The following PTPRA variants were observed in gnomAD, a reference collection of about 807,000 sequenced individuals.
PTPRA encodes receptor-type tyrosine-protein phosphatase alpha.
PTPRA carries 25 observed loss-of-function variants against 104.8 expected under a neutral mutation model. The observed-to-expected ratio is 0.24, with a 90% CI of 0.17 to 0.33. The LOEUF (loss-of-function observed/expected upper bound fraction) is 0.33, where lower values mean the gene tolerates loss of function less well. PTPRA is among the 10% of genes least tolerant of loss of function. PTPRA has a pLI of 1.00. For missense variants in PTPRA, 765 were observed against 1,015.3 expected (o/e 0.75, Z 3.35); for synonymous variants, 323 against 368.9 (o/e 0.88, Z 1.43).
chr20:2,988,154 A>G, intron 8 of PTPRA, 49 bp downstream of exon 8: 1 of 1,535,132 alleles, frequency 6.5e-7, no homozygotes, highest in Non-Finnish European at 9.0e-7. Context: ...GAAGGAAATC[A>G]AGAAATTAGG....
At chr20:2,934,652 G>A (rs2060624521) in intron 2 of PTPRA, among the ~76,000 whole-genome samples, 1 of 151,084 alleles carries the variant, frequency 6.6e-6, no homozygotes, top group South Asian at 2.1e-4. Flanking sequence ...CTTCACCCAA[G>A]GGCTTTCAAT....
chr20:2,939,404 C>T (rs147883992), intron 2 of PTPRA, among the ~76,000 whole-genome samples: 5 of 152,274 alleles, frequency 3.3e-5, no homozygotes, highest in South Asian at 4.1e-4. Context: ...AGGGGAAAGG[C>T]GTGCCACCTC....
chr20:2,964,803 A>T, intron 4 of PTPRA, 58 bp from the exon 5 acceptor site: 4 of 1,451,248 alleles, frequency 2.8e-6, no homozygotes, highest in Non-Finnish European at 3.8e-6. Flanking sequence ...TTTGTGTCTC[A>T]CAGCTTTTTA....
chr20:3,023,936 C>T (rs987775669), intron 16 of PTPRA, among the ~76,000 whole-genome samples: 10 of 152,170 alleles, frequency 6.6e-5, no homozygotes, highest in African/African-American at 1.7e-4. Flanking sequence ...TCAAAGAAAT[C>T]GAGCACAGAG....
chr20:3,026,990 A>G, intron 18 of PTPRA, 131 bp from the exon 19 acceptor site: 1 of 1,088,064 alleles, frequency 9.2e-7, no homozygotes, highest in South Asian at 1.5e-5. Context: ...CTTTCTCCCT[A>G]ATGAGCTAGG....
At position 3,037,076 on chromosome 20, in the gene PTPRA, C is replaced by T. The variant is rs2065834744; in HGVS notation, c.2199-78C>T. ...CACCAGCTGCCTGCCCCCACCTCTT[C>T]TGCCACTCACCACTGTCACTCACCC... On this transcript the variant is annotated intron_variant, in intron 22 of 23. Transcript: ENST00000399903. This position sits in a 1 kb window ranked among gnomAD's most constrained non-coding sequence, Gnocchi z 4.3. 1 of 1,560,674 alleles carries T rather than the reference C, an allele frequency of 6.4e-7. No individual in the cohort carries two copies. The highest frequency in any genetic ancestry group is 1.4e-5 in the African/African-American group (1 of 73,970).
chr20:2,867,966 G>T, the PTPRA span, among the ~76,000 whole-genome samples: 7 of 152,344 alleles, frequency 4.6e-5, no homozygotes, highest in Non-Finnish European at 8.8e-5. Context: ...TGGACAGGTT[G>T]TAACAGGGAT....
At chr20:3,027,023 TG>T in intron 18 of PTPRA, 97 bp from the exon 19 acceptor site, 1 of 1,310,272 alleles carries the variant, frequency 7.6e-7, no homozygotes, top group Non-Finnish European at 1.1e-6. Flanking sequence ...CTTGCCCAGC[TG>T]GGATTCTGTC....
At chr20:2,869,117 T>C (rs2089398236), upstream of PTPRA, among the ~76,000 whole-genome samples, 1 of 152,212 alleles carries the variant, frequency 6.6e-6, no homozygotes, top group African/African-American at 2.4e-5. Context: ...TACAGCCAGG[T>C]AGAAATAATT....
chr20:3,005,022 C>A, intron 9 of PTPRA, 34 bp from the exon 10 acceptor site: 1 of 1,527,884 alleles, frequency 6.5e-7, no homozygotes, highest in Non-Finnish European at 9.1e-7. Context: ...TTTATCCCTG[C>A]TAATAATTCC....
chr20:3,024,572 A>G lies in PTPRA; in HGVS notation c.1565A>G (p.Tyr522Cys). The stretch of plus-strand genomic sequence containing the variant: ...CTAGAAACCCACCTGCAGAAAATTT[A>G]CAACAAAATCCCAGGGACCAGCAAC... ...TSLETHLQKI[Y>C]NKIPGTSNNG... The change falls in exon 17 of 24, where the codon TAC (tyrosine) becomes TGC (cysteine). Residue 522 changes from tyrosine to cysteine, a missense_variant. This residue lies in a region of PTPRA where 192 missense variants were observed against 227.0 expected (regional missense o/e 0.85). Coordinates refer to ENST00000399903, the MANE Select transcript of PTPRA (RefSeq NM_001385305.1). 1 of 1,614,206 alleles carries G rather than the reference A, an allele frequency of 6.2e-7. No individual in the cohort carries two copies. Among genetic ancestry groups the G allele is most frequent in the Non-Finnish European group, 8.5e-7 (1 of 1,180,020 alleles).
At chr20:3,026,421 A>G (rs923383874) in intron 17 of PTPRA, among the ~76,000 whole-genome samples, 8 of 152,154 alleles carry the variant, frequency 5.3e-5, no homozygotes, top group African/African-American at 1.9e-4. Flanking sequence ...CCCTCCTACG[A>G]TGCTGGAATC....
intron 6 of PTPRA, among the ~76,000 whole-genome samples, chr20:2,980,720 A>T (rs188480285): frequency 1.3e-5 from 2 of 152,282 alleles, no homozygotes; most frequent in East Asian, 1.9e-4. Context: ...AAATTTTTTT[A>T]AATCAATATG....
chr20:2,910,578 G>GTTTTTTTTTTTTTTTTTTTTT (rs1245304127), intron 1 of PTPRA, among the ~76,000 whole-genome samples: 3 of 32,428 alleles, frequency 9.3e-5, no homozygotes, highest in African/African-American at 1.7e-4. Flanking sequence ...TGCCCAGCTA[G>GTTTTTTTTTTTTTTTTTTTTT]TTTTTTTTTT....
chr20:2,951,074 GTGTT>G lies in PTPRA; in HGVS notation c.-7+3068_-7+3071del, dbSNP rs371625670. ...AATCATGTAGTATAGTATTAACCAT[GTGTT>G]TGTTTGTTTGTTTGTTTCTTTCTTT... On this transcript the variant is annotated intron_variant, in intron 3 of 23. Coordinates refer to ENST00000399903, the MANE Select transcript of PTPRA (RefSeq NM_001385305.1). Among the ~76,000 whole-genome samples, 185 of 152,040 alleles carry G rather than the reference GTGTT, an allele frequency of 1.2e-3. 3 individuals carry two copies. Among genetic ancestry groups the G allele is most frequent in the South Asian group, 0.01 (49 of 4,810 alleles).
intron 1 of PTPRA, among the ~76,000 whole-genome samples, chr20:2,878,204 T>C (rs939870221): frequency 4.3e-5 from 1 of 23,116 alleles, no homozygotes; most frequent in Non-Finnish European, 6.2e-5. Flanking sequence ...ACAGCTGTAG[T>C]TTTTTTTAAA....
In PTPRA at chr20:3,022,548, C is replaced by T; in HGVS notation, c.1329-141C>T. On this transcript the variant is annotated intron_variant, in intron 15 of 23. Coordinates refer to ENST00000399903, the MANE Select transcript of PTPRA (RefSeq NM_001385305.1). This position sits in a 1 kb window ranked among gnomAD's most constrained non-coding sequence, Gnocchi z 4.6. The stretch of plus-strand genomic sequence containing the variant: ...ATTCAGGACATACTGGAGTTGTTGG[C>T]TCCTGGAGAGCCCCAGCTCTACCCC... The T allele has an allele frequency of 8.2e-7, 1 of 1,218,236 alleles. No homozygotes were observed. The highest frequency in any genetic ancestry group is 2.6e-5 in the Admixed American group (1 of 38,226). 75.5% of individuals were successfully genotyped at this position (1,218,236 alleles called of 1,614,324 possible). A position where few individuals can be genotyped will look rare whatever the true frequency, so the allele number is the denominator to read the frequency against.
chr20:3,006,950 A>G (rs2063903118), intron 10 of PTPRA, among the ~76,000 whole-genome samples: 1 of 152,036 alleles, frequency 6.6e-6, no homozygotes, highest in Admixed American at 6.6e-5. Context: ...ATTTATGTGC[A>G]CATGTTGGAG....
intron 5 of PTPRA, among the ~76,000 whole-genome samples, chr20:2,965,462 T>TA (rs2061909777): frequency 6.6e-6 from 1 of 151,986 alleles, no homozygotes; most frequent in Non-Finnish European, 1.5e-5. Context: ...GAAGAAGGCT[T>TA]AAAAAGACAA....
Sources: allele counts gnomAD v4.1 joint callset (sites outside exome capture counted in the v4.1 genomes callset), GRCh38; gene constraint gnomAD v4.1.1; regional missense constraint gnomAD v4.1.1; non-coding constraint Gnocchi (gnomAD v3.1); transcripts MANE v1.5; gene names NCBI Gene and HGNC (gene_info 2026-07-23, HGNC 2026-07-21).